CD36: variants seen among roughly 807,000 people sequenced by gnomAD.
The protein encoded by CD36 is CD36 molecule (CD36 blood group).
In CD36, 119 loss-of-function variants were observed where a neutral mutation model predicts 55.2. That is an observed-to-expected ratio of 2.15 (90% CI 1.86 to 2.51). The LOEUF is 2.51. CD36 is among the 30% of genes most tolerant of loss of function. CD36 has a pLI of 0.00. For missense variants in CD36, 819 were observed against 555.5 expected, an observed-to-expected ratio of 1.47 and a Z score of -4.77; for synonymous variants, 186 against 193.6, an observed-to-expected ratio of 0.96 and a Z score of 0.33.
chr7:80,658,988 G>C (rs776003381), intron 4 of CD36, among the ~76,000 whole-genome samples: 5 of 152,084 alleles, frequency 3.3e-5, no homozygotes, highest in Non-Finnish European at 7.4e-5. Flanking sequence ...GACTGGAGAA[G>C]AACAGTTGCA....
At chr7:80,605,855 C>T (rs1792519427) in intron 1 of CD36, among the ~76,000 whole-genome samples, 1 of 152,046 alleles carries the variant, frequency 6.6e-6, no homozygotes, top group Non-Finnish European at 1.5e-5. Context: ...GATGCATAGA[C>T]AAAGAATTAC....
At chr7:80,675,952 G>A (rs1025462533) in intron 14 of CD36, among the ~76,000 whole-genome samples, 1 of 125,198 alleles carries the variant, frequency 8.0e-6, no homozygotes, top group Non-Finnish European at 1.8e-5. Context: ...TGCCTGGTGT[G>A]TGCTTGTCTT....
chr7:80,674,133 A>G lies in CD36; in HGVS notation c.1405A>G (p.Lys469Glu), dbSNP rs752205046. 56 of 1,610,640 alleles carry G rather than the reference A, an allele frequency of 3.5e-5. No homozygotes were observed. The highest frequency in any genetic ancestry group is 4.7e-5 in the Non-Finnish European group (55 of 1,177,634). The stretch of plus-strand genomic sequence containing the variant: ...GATTTCATATTGTGCATGCAGATCG[A>G]AAACAATAAAATAAGTAAGTATGTA... The part of the protein sequence containing the change: ...FMISYCACRS[K>E]TIK The change falls in exon 14 of 15, where the codon AAA (lysine) becomes GAA (glutamate). Residue 469 changes from lysine (K) to glutamate (E), a missense_variant. Lys to Glu is a moderately conservative substitution (Grantham distance 56). Transcript: ENST00000447544.
At position 80,671,961 on chromosome 7, in the gene CD36, C is replaced by A. The variant is rs753406149; in HGVS notation, c.1046C>A (p.Ala349Glu). The stretch of plus-strand genomic sequence containing the variant: ...ATTTCACTTCCTCATTTTCTGTATG[C>A]AAGTCCTGATGTTTCAGAACCTATT... ...VYISLPHFLY[A>E]SPDVSEPIDG... The change falls in exon 11 of 15, where the codon GCA (alanine) becomes GAA (glutamate). Residue 349 changes from alanine to glutamate, a missense_variant. Coordinates refer to ENST00000447544, the MANE Select transcript of CD36 (RefSeq NM_001001548.3). The A allele has an allele frequency of 6.8e-6, 11 of 1,610,326 alleles. No homozygotes were observed. Among genetic ancestry groups the A allele is most frequent in the Non-Finnish European group, 9.3e-6 (11 of 1,177,208 alleles).
In CD36 at chr7:80,663,110, G is replaced by A. The variant is rs138897347; in HGVS notation, c.550G>A (p.Asp184Asn). The change falls in exon 6 of 15, where the codon GAT becomes AAT. Residue 184 changes from aspartate (D) to asparagine (N), a missense_variant. Physicochemically the swap from Asp to Asn is conservative, Grantham distance 23. Coordinates refer to ENST00000447544, the MANE Select transcript of CD36 (RefSeq NM_001001548.3). ...GAGAGAACTGTTATGGGGCTATAGG[G>A]ATCCATTTTTGAGTTTGGTTCCGTA... ...TLRELLWGYR[D>N]PFLSLVPYPV... 560 of 1,613,744 alleles carry A rather than the reference G, an allele frequency of 3.5e-4. 3 individuals carry two copies. The Middle Eastern group carries it at 9.4e-3, about 27-fold the overall frequency.
intron 1 of CD36, among the ~76,000 whole-genome samples, chr7:80,624,595 T>C (rs1537593): frequency 0.8 from 121,989 of 151,906 alleles, 50,417 homozygotes; most frequent in Middle Eastern, 0.93. Context: ...AATTCGTGTG[T>C]AGCCATCTTT....
At chr7:80,646,502 C>A in intron 2 of CD36, 150 bp from the exon 3 acceptor site, 1 of 508,254 alleles carries the variant, frequency 2.0e-6, no homozygotes, top group Non-Finnish European at 3.6e-6. Context: ...GGGAGACGGA[C>A]CGAGGAAGCC....
At chr7:80,652,079 TAA>T (rs1321572914) in intron 3 of CD36, among the ~76,000 whole-genome samples, 1 of 151,840 alleles carries the variant, frequency 6.6e-6, no homozygotes, top group Non-Finnish European at 1.5e-5. Flanking sequence ...TTAAAGATGG[TAA>T]AGTTTGTTTT....
chr7:80,672,196 TGGTTTATGAAGTGATTC>T (rs1323971251), intron 11 of CD36, among the ~76,000 whole-genome samples, 156 bp downstream of exon 11: 1 of 151,830 alleles, frequency 6.6e-6, no homozygotes, highest in Non-Finnish European at 1.5e-5. Context: ...TTTCTTCCTA[TGGTTTATGAAGTGATTC>T]TAATTGGCTT....
rs777018321 is a variant in CD36, at chr7:80,673,387, T to G, written c.1232T>G (p.Val411Gly). ...VLKNLKRNYI[V>G]PILWLNETGT... The stretch of plus-strand genomic sequence containing the variant: ...AAGAATCTGAAGAGGAACTATATTG[T>G]GCCTATTCTTTGGCTTAATGAGGTT... Residue 411 changes from valine (V) to glycine (G), a missense_variant, in exon 13 of 15, where the codon GTG becomes GGG. By Grantham distance (109) the Val-to-Gly change is moderately radical. Transcript: ENST00000447544. The G allele has an allele frequency of 1.9e-6, 3 of 1,570,298 alleles. No individual in the cohort carries two copies. Among genetic ancestry groups the G allele is most frequent in the Non-Finnish European group, 1.8e-6 (2 of 1,141,336 alleles).
chr7:80,615,465 A>C (rs1793098060), intron 1 of CD36, among the ~76,000 whole-genome samples: 1 of 152,130 alleles, frequency 6.6e-6, no homozygotes, highest in African/African-American at 2.4e-5. Context: ...GAATTTATGC[A>C]TGTTGTTCTT....
At position 80,653,887 on chromosome 7, in the gene CD36, C is replaced by T. The variant is rs185673346; in HGVS notation, c.121-2653C>T. 5.7e-4 allele frequency among the ~76,000 whole-genome samples: 87 copies of T among 152,134 alleles called. 3 individuals are homozygous for T. The highest frequency in any genetic ancestry group is 5.4e-3 in the Admixed American group (83 of 15,274). ...CTATGTCTCTAAACAAATCATGATGCTATGGAAACTATATAAAATTGAAGT... is the reference window on the plus strand; with the variant it reads ...CTATGTCTCTAAACAAATCATGATGTTATGGAAACTATATAAAATTGAAGT... On this transcript the variant is annotated intron_variant, in intron 3 of 14. Coordinates refer to ENST00000447544, the MANE Select transcript of CD36 (RefSeq NM_001001548.3).
upstream of CD36, among the ~76,000 whole-genome samples, chr7:80,636,302 A>G (rs1794395495): frequency 6.6e-6 from 1 of 151,992 alleles, no homozygotes; most frequent in Admixed American, 6.6e-5. Flanking sequence ...TCTTTTATTT[A>G]GTTTTCTCTA....
chr7:80,677,060 T>G lies in CD36; in HGVS notation c.*677T>G, dbSNP rs1473378391. 1.3e-5 allele frequency: 2 copies of G among 152,202 alleles called. No individual in the cohort carries two copies. The highest frequency in any genetic ancestry group is 2.9e-5 in the Non-Finnish European group (2 of 68,030). The allele number at this position is 152,202 out of a possible 1,614,324, so 9.4% of individuals were successfully genotyped here. A position where few individuals can be genotyped will look rare whatever the true frequency, so the allele number is the denominator to read the frequency against. ...TTGTGTCATAAAATGTTTATCCTAA[T>G]TTTCTCTCTGAAGTATATTTTATCT... On this transcript the variant is annotated 3_prime_UTR_variant, in exon 15 of 15. Coordinates refer to ENST00000447544, the MANE Select transcript of CD36 (RefSeq NM_001001548.3).
chr7:80,667,221 A>G (rs1355375759), intron 8 of CD36, among the ~76,000 whole-genome samples: 1 of 152,112 alleles, frequency 6.6e-6, no homozygotes, highest in Non-Finnish European at 1.5e-5. Context: ...TGTGCCCCGG[A>G]GGTTGAGACC....
intron 1 of CD36, 25 bp downstream of exon 1, chr7:80,638,771 A>C (rs1194031334): frequency 6.6e-6 from 1 of 151,986 alleles, no homozygotes; most frequent in Admixed American, 6.6e-5. Context: ...TTTTCTTTAA[A>C]TAAAAAAGAT....
chr7:80,673,615 C>CTATTAAACACATT (rs1223902063), intron 13 of CD36: 3 of 566,614 alleles, frequency 5.3e-6, no homozygotes, highest in Non-Finnish European at 9.5e-6. Flanking sequence ...AAAAATGCAT[C>CTATTAAACACATT]TATTAAACAC....
chr7:80,635,665 G>T (rs980831378), upstream of CD36, among the ~76,000 whole-genome samples: 15 of 152,108 alleles, frequency 9.9e-5, no homozygotes, highest in African/African-American at 3.4e-4. Flanking sequence ...CTGTGAGGGA[G>T]ATATTTCTAC....
chr7:80,613,533 T>A (rs1792990273), intron 1 of CD36, among the ~76,000 whole-genome samples: 1 of 152,128 alleles, frequency 6.6e-6, no homozygotes, highest in Non-Finnish European at 1.5e-5. Flanking sequence ...ATCTTTCCTA[T>A]TTTGGAATAA....
Sources: allele counts gnomAD v4.1 joint callset (sites outside exome capture counted in the v4.1 genomes callset), GRCh38; gene constraint gnomAD v4.1.1; transcripts MANE v1.5; gene names NCBI Gene and HGNC (gene_info 2026-07-23, HGNC 2026-07-21).